The following PRKG1 variants were observed in gnomAD, a reference collection of about 807,000 sequenced individuals.
The protein encoded by PRKG1 is protein kinase cGMP-dependent 1, also known as cGMP-dependent protein kinase 1.
A neutral mutation model predicts 88.1 loss-of-function variants in PRKG1; 35 were observed. The observed-to-expected ratio is 0.40, with a 90% CI of 0.30 to 0.53. The LOEUF (loss-of-function observed/expected upper bound fraction) is 0.53. Among genes scored for constraint, PRKG1 ranks in the 20% least tolerant of loss-of-function variants. PRKG1 has a pLI of 0.59. For missense variants in PRKG1, 540 were observed against 839.8 expected, an observed-to-expected ratio of 0.64 and a Z score of 4.41; for synonymous variants, 303 against 292.5, an observed-to-expected ratio of 1.04 and a Z score of -0.37.
intron 5 of PRKG1, among the ~76,000 whole-genome samples, chr10:51,950,668 A>C (rs1421883553): frequency 6.6e-6 from 1 of 152,232 alleles, no homozygotes; most frequent in African/African-American, 2.4e-5. Context: ...TAGTATGCTA[A>C]TTAGTTCTTT....
chr10:52,176,728 C>T (rs1322507410), intron 9 of PRKG1, among the ~76,000 whole-genome samples: 1 of 151,974 alleles, frequency 6.6e-6, no homozygotes, highest in Non-Finnish European at 1.5e-5. Context: ...AGGACTTTCA[C>T]CTCCTTTGTT....
chr10:51,985,160 A>G (rs1056531521), intron 5 of PRKG1, among the ~76,000 whole-genome samples: 2 of 152,124 alleles, frequency 1.3e-5, no homozygotes, highest in Non-Finnish European at 2.9e-5. Flanking sequence ...CTTTTGTTAA[A>G]CTTGTTCTTT....
chr10:51,949,899 C>T (rs117976742), intron 5 of PRKG1, among the ~76,000 whole-genome samples: 1 of 152,182 alleles, frequency 6.6e-6, no homozygotes, highest in East Asian at 1.9e-4. Flanking sequence ...TTATGTCATG[C>T]CATCAACTTA....
At chr10:51,882,603 G>C (rs957538089) in intron 4 of PRKG1, among the ~76,000 whole-genome samples, 1 of 152,168 alleles carries the variant, frequency 6.6e-6, no homozygotes, top group Admixed American at 6.5e-5. Context: ...ATAGAGGAGG[G>C]AATTTGTATT....
chr10:51,367,499 T>C (rs1842614916), intron 2 of PRKG1, among the ~76,000 whole-genome samples: 1 of 152,032 alleles, frequency 6.6e-6, no homozygotes, highest in Admixed American at 6.6e-5. Flanking sequence ...TTTTTTCTTT[T>C]TTCACACTTA....
intron 3 of PRKG1, among the ~76,000 whole-genome samples, chr10:51,720,821 C>A (rs1188244552): frequency 6.6e-6 from 1 of 152,032 alleles, no homozygotes; most frequent in African/African-American, 2.4e-5. Context: ...ATGACTAGAC[C>A]TCTCTGAGTG....
intron 3 of PRKG1, among the ~76,000 whole-genome samples, chr10:51,707,932 A>T: frequency 6.6e-6 from 1 of 152,204 alleles, no homozygotes; most frequent in East Asian, 1.9e-4. Context: ...CTAAAATCTA[A>T]TGTTTATAGG....
At chr10:51,721,019 C>A (rs946215526) in intron 3 of PRKG1, among the ~76,000 whole-genome samples, 3 of 151,690 alleles carry the variant, frequency 2.0e-5, no homozygotes, top group African/African-American at 7.3e-5. Flanking sequence ...CCAGTTTGGG[C>A]AACATGGGAA....
chr10:51,782,043 A>G (rs568108023), intron 3 of PRKG1, among the ~76,000 whole-genome samples: 5 of 152,224 alleles, frequency 3.3e-5, no homozygotes, highest in African/African-American at 1.2e-4. Flanking sequence ...AAGTATTGTA[A>G]AAAATGCAAT....
intron 12 of PRKG1, among the ~76,000 whole-genome samples, chr10:52,276,092 C>T (rs898095226): frequency 2.0e-5 from 3 of 152,006 alleles, no homozygotes; most frequent in Non-Finnish European, 4.4e-5. Context: ...TGGAAGAGTC[C>T]TTAGGGTTTG....
intron 7 of PRKG1, among the ~76,000 whole-genome samples, chr10:52,086,461 G>C (rs1158222341): frequency 1.0e-4 from 15 of 148,016 alleles, no homozygotes. Flanking sequence ...CTGAAGTGCA[G>C]TGTTGCAATC....
At chr10:52,289,781 T>C (rs974960836) in intron 16 of PRKG1, among the ~76,000 whole-genome samples, 3 of 152,082 alleles carry the variant, frequency 2.0e-5, no homozygotes, top group African/African-American at 7.2e-5. Flanking sequence ...ACTATGACAA[T>C]GATGTGAAAA....
In PRKG1 at chr10:51,820,975, A is replaced by C. The variant is rs144588542; in HGVS notation, c.698+16285A>C. 6.2e-4 allele frequency among the ~76,000 whole-genome samples: 94 copies of C among 152,240 alleles called. 4 individuals carry two copies. The South Asian group carries it at 0.015, about 25-fold the overall frequency. ...CCAGCTCACAATACAGGACATTTCC[A>C]CTTCTTTGGAAGGCCCTCCCAAATC... On this transcript the variant is annotated intron_variant, in intron 4 of 17. Transcript: ENST00000373980.
chr10:52,110,103 C>T (rs540298518), intron 7 of PRKG1, among the ~76,000 whole-genome samples: 35 of 152,016 alleles, frequency 2.3e-4, no homozygotes, highest in Non-Finnish European at 4.4e-4. Flanking sequence ...AATCCTAGCA[C>T]TTTGGGAGGC....
At chr10:51,793,156 A>AAAAAAC (rs1564648949) in intron 3 of PRKG1, among the ~76,000 whole-genome samples, 2 of 149,792 alleles carry the variant, frequency 1.3e-5, no homozygotes, top group Non-Finnish European at 3.0e-5. Context: ...AAAAAAAAAA[A>AAAAAAC]AACCAGAACA....
chr10:52,133,409 A>G (rs574189317), intron 7 of PRKG1, among the ~76,000 whole-genome samples: 1 of 152,282 alleles, frequency 6.6e-6, no homozygotes, highest in African/African-American at 2.4e-5. Flanking sequence ...TAATTTAAAC[A>G]GATCAATTGT....
chr10:52,194,637 C>T (rs1161421222), intron 9 of PRKG1, among the ~76,000 whole-genome samples: 2 of 151,960 alleles, frequency 1.3e-5, no homozygotes, highest in African/African-American at 4.8e-5. Context: ...AAGCTAAATA[C>T]CAGAACAGTG....
At chr10:51,665,825 G>A (rs1032134518) in intron 3 of PRKG1, among the ~76,000 whole-genome samples, 5 of 151,666 alleles carry the variant, frequency 3.3e-5, no homozygotes, top group South Asian at 2.1e-4. Flanking sequence ...TATTGTCATC[G>A]ACCTCAACGG....
At chr10:51,843,450 T>C (rs1840328308) in intron 4 of PRKG1, among the ~76,000 whole-genome samples, 2 of 152,180 alleles carry the variant, frequency 1.3e-5, no homozygotes, top group Admixed American at 6.5e-5. Flanking sequence ...GGCAGCTTAA[T>C]ATAGAAGGCT....
Sources: allele counts gnomAD v4.1 joint callset (sites outside exome capture counted in the v4.1 genomes callset), GRCh38; gene constraint gnomAD v4.1.1; transcripts MANE v1.5; gene names NCBI Gene and HGNC (gene_info 2026-07-23, HGNC 2026-07-21).